CPA3: variants seen among roughly 807,000 people sequenced by gnomAD.
CPA3 encodes the protein mast cell carboxypeptidase A.
In CPA3, 52 loss-of-function variants were observed where a neutral mutation model predicts 55.8. The ratio of observed to expected loss-of-function variants is 0.93; its 90% CI spans 0.75 to 1.17. The LOEUF is 1.17. Among genes scored for constraint, CPA3 ranks in the 50% most tolerant of loss-of-function variants. The pLI is 0.00. For missense variants in CPA3, 547 were observed against 509.1 expected (o/e 1.07, Z -0.72); for synonymous variants, 179 against 171.2 (o/e 1.05, Z -0.36).
chr3:148,868,383 A>G (rs976366432), intron 2 of CPA3, among the ~76,000 whole-genome samples: 2 of 152,130 alleles, frequency 1.3e-5, no homozygotes, highest in Non-Finnish European at 2.9e-5. Context: ...TTATTTCAGG[A>G]GAGAGGAGTA....
At chr3:148,868,217 T>C (rs570327745) in intron 2 of CPA3, among the ~76,000 whole-genome samples, 1 of 152,186 alleles carries the variant, frequency 6.6e-6, no homozygotes, top group South Asian at 2.1e-4. Context: ...ATCTGAATGC[T>C]ATACTTCTGA....
intron 10 of CPA3, among the ~76,000 whole-genome samples, chr3:148,891,748 A>C (rs1256208560): frequency 6.6e-6 from 1 of 152,202 alleles, no homozygotes; most frequent in African/African-American, 2.4e-5. Context: ...TCAAAATAGA[A>C]TAGCCATGCC....
intron 10 of CPA3, among the ~76,000 whole-genome samples, chr3:148,890,377 A>G (rs1714637517): frequency 6.6e-6 from 1 of 152,222 alleles, no homozygotes; most frequent in African/African-American, 2.4e-5. Flanking sequence ...TCATGAATTA[A>G]AAAGTTAATT....
chr3:148,866,286 G>A (rs1307482526), intron 2 of CPA3, among the ~76,000 whole-genome samples: 1 of 152,136 alleles, frequency 6.6e-6, no homozygotes, highest in South Asian at 2.1e-4. Flanking sequence ...ATCAATCAAA[G>A]GCCCTGCCTA....
chr3:148,885,700 G>A (rs1450407609), intron 9 of CPA3, among the ~76,000 whole-genome samples: 5 of 152,030 alleles, frequency 3.3e-5, no homozygotes, highest in East Asian at 1.9e-4. Flanking sequence ...GTGAGCCACC[G>A]TGCCCGGCCA....
chr3:148,875,502 G>A (rs1714179140), intron 3 of CPA3, among the ~76,000 whole-genome samples: 1 of 152,050 alleles, frequency 6.6e-6, no homozygotes, highest in African/African-American at 2.4e-5. Flanking sequence ...ACTGTGCTAT[G>A]AGACCACTGA....
rs1456612680 is a variant in CPA3 at position 148,880,334 on chromosome 3, TC to T, written c.576+446del. On this transcript the variant is annotated intron_variant, in intron 6 of 10. Transcript: ENST00000296046. ...CTGAGTGAAAAATAACTCACTTTTT[TC>T]TTTTTTTTTTTTTTGAGATGGAGTC... Among the ~76,000 whole-genome samples, 344 of 126,430 alleles carry T rather than the reference TC, an allele frequency of 2.7e-3. 5 individuals carry two copies. Among genetic ancestry groups the T allele is most frequent in the African/African-American group, 0.012 (324 of 26,928 alleles). The allele number at this position is 126,430 out of a possible 152,430, so 82.9% of individuals were successfully genotyped here. A position where few individuals can be genotyped will look rare whatever the true frequency, so the allele number is the denominator to read the frequency against.
Position 148,883,638 on chromosome 3 carries a change from T to C in CPA3, c.804T>C (p.Cys268=). The C allele has an allele frequency of 6.2e-7, 1 of 1,614,048 alleles. No individual in the cohort carries two copies. The highest frequency in any genetic ancestry group is 8.5e-7 in the Non-Finnish European group (1 of 1,179,962). ...CCATTCCTAACACCAATGACCCATG[T>C]GCAGATAACTATCGGGGCTCTGCAC... ...WNSIPNTNDP[C]ADNYRGSAPE... The change falls in exon 9 of 11, where the codon TGT becomes TGC. Residue 268 remains cysteine, a synonymous_variant. Coordinates refer to ENST00000296046, the MANE Select transcript of CPA3 (RefSeq NM_001870.4).
intron 3 of CPA3, among the ~76,000 whole-genome samples, chr3:148,871,578 T>C (rs1254945371): frequency 6.6e-6 from 1 of 152,192 alleles, no homozygotes; most frequent in Non-Finnish European, 1.5e-5. Flanking sequence ...TCTTCTATCC[T>C]GAAATGATTC....
chr3:148,894,138 C>T (rs1460480094), intron 10 of CPA3, among the ~76,000 whole-genome samples: 1 of 152,114 alleles, frequency 6.6e-6, no homozygotes, highest in African/African-American at 2.4e-5. Context: ...TCTTTCTCCA[C>T]ATGATGATTG....
At chr3:148,872,990 A>C (rs1279809298) in intron 3 of CPA3, among the ~76,000 whole-genome samples, 2 of 151,744 alleles carry the variant, frequency 1.3e-5, no homozygotes, top group Non-Finnish European at 2.9e-5. Flanking sequence ...TGGGATCGTA[A>C]AGTTGCTGTC....
At chr3:148,882,848 A>G (rs907905350) in intron 8 of CPA3, among the ~76,000 whole-genome samples, 3 of 152,158 alleles carry the variant, frequency 2.0e-5, no homozygotes, top group African/African-American at 7.2e-5. Context: ...AATTAAGCAC[A>G]ATCCAAATGT....
chr3:148,879,876 G>C lies in CPA3; in HGVS notation c.563G>C (p.Trp188Ser). The C allele has an allele frequency of 6.2e-7, 1 of 1,611,430 alleles. No homozygotes were observed. Reference sequence around the variant, plus strand: ...TGGGTCTCCCCAGCATTCTGCCAGTGGTTTGTCTATCAGGTAAGTGAATCA... The same window carrying C: ...TGGGTCTCCCCAGCATTCTGCCAGTCGTTTGTCTATCAGGTAAGTGAATCA... The part of the protein sequence containing the change: ...REWVSPAFCQ[W>S]FVYQATKTYG... The change falls in exon 6 of 11, where the codon TGG (tryptophan) becomes TCG (serine). Residue 188 changes from tryptophan to serine, a missense_variant. Physicochemically the swap from Trp to Ser is radical, Grantham distance 177. Transcript: ENST00000296046.
intron 6 of CPA3, chr3:148,881,320 A>C: frequency 4.5e-6 from 2 of 442,948 alleles, no homozygotes; most frequent in Admixed American, 8.0e-5. Flanking sequence ...ATTCATTTCC[A>C]TTAATGTCAC....
chr3:148,879,957 A>T, intron 6 of CPA3, 68 bp downstream of exon 6: 1 of 1,075,556 alleles, frequency 9.3e-7, no homozygotes, highest in Non-Finnish European at 1.4e-6. Flanking sequence ...CTAAGTGGCG[A>T]CATCTTTCCA....
chr3:148,873,025 TACACACAC>T lies in CPA3; in HGVS notation c.269+4015_269+4022del, dbSNP rs10536988. ...CTGCCTGGTCCTTTACTTCTATGAA[TACACACAC>T]ACACACACACACACACACACACACA... On this transcript the variant is annotated intron_variant, in intron 3 of 10. Transcript: ENST00000296046. Among the ~76,000 whole-genome samples the T allele has an allele frequency of 7.0e-3, 722 of 103,846 alleles. 10 individuals carry two copies. Among genetic ancestry groups the T allele is most frequent in the African/African-American group, 0.019 (662 of 34,650 alleles). 68.1% of individuals were successfully genotyped at this position (103,846 alleles called of 152,430 possible).
At chr3:148,886,243 T>C (rs1052131830) in intron 10 of CPA3, 66 bp downstream of exon 10, 2 of 1,196,840 alleles carry the variant, frequency 1.7e-6, no homozygotes, top group Non-Finnish European at 2.4e-6. Context: ...TTAAAGAAAA[T>C]TATGGAATTT....
chr3:148,867,904 G>T (rs541759735), intron 2 of CPA3, among the ~76,000 whole-genome samples: 18 of 152,172 alleles, frequency 1.2e-4, no homozygotes, highest in Middle Eastern at 3.4e-3. Context: ...TGTTTTTTGT[G>T]TTTTTTCTGA....
chr3:148,878,957 G>T lies in CPA3; in HGVS notation c.474+209G>T, dbSNP rs531704427. Among the ~76,000 whole-genome samples, 6 of 152,288 alleles carry T rather than the reference G, an allele frequency of 3.9e-5. No homozygotes were observed. The South Asian group carries it at 1.2e-3, about 32-fold the overall frequency. ...TCTGGATAAACATTTGTCAGAGATT[G>T]CACAGTGGACAAACCCAAACAAATA... is the stretch of plus-strand genomic sequence containing the variant. On this transcript the variant is annotated intron_variant, in intron 5 of 10. Coordinates refer to ENST00000296046, the MANE Select transcript of CPA3 (RefSeq NM_001870.4).
Sources: gnomAD v4.1 joint callset for allele counts (sites outside exome capture counted in the v4.1 genomes callset) on GRCh38, gnomAD v4.1.1 for gene constraint, MANE v1.5 for transcripts, NCBI Gene and HGNC (gene_info 2026-07-23, HGNC 2026-07-21) for gene names.